The following TMEM30A variants were observed in gnomAD, a reference collection of about 807,000 sequenced individuals.
The protein encoded by TMEM30A is cell cycle control protein 50A.
Under a neutral mutation model 38.2 loss-of-function variants are expected in TMEM30A, and 24 were observed. That is an observed-to-expected ratio of 0.63 (90% CI 0.46 to 0.88). TMEM30A has a LOEUF of 0.88. Ranked by LOEUF, TMEM30A falls within the 40% of genes least tolerant of loss-of-function variation. TMEM30A has a pLI of 0.00. For synonymous variants in TMEM30A, 145 were observed against 161.6 expected (o/e 0.90, Z 0.78); for missense variants, 370 against 458.6 (o/e 0.81, Z 1.77).
chr6:75,256,180 G>A lies in TMEM30A; in HGVS notation c.1008C>T (p.Ser336=). The change falls in exon 7 of 7, where the codon TCC becomes TCT. Residue 336 remains serine (S), a synonymous_variant. Coordinates refer to ENST00000230461, the MANE Select transcript of TMEM30A (RefSeq NM_018247.4). ...CTAGCAGTACAACTCCCAGAAGGAA[G>A]GAGATGGATCCAACAGCGATGTAAG... ...GIAYIAVGSI[S]FLLGVVLLVI... 6.2e-7 allele frequency: 1 copy of A among 1,613,396 alleles called. No individual in the cohort carries two copies. Among genetic ancestry groups the A allele is most frequent in the Non-Finnish European group, 8.5e-7 (1 of 1,179,462 alleles).
At chr6:75,266,432 C>T (rs933035109) in intron 2 of TMEM30A, among the ~76,000 whole-genome samples, 1 of 152,014 alleles carries the variant, frequency 6.6e-6, no homozygotes, top group Non-Finnish European at 1.5e-5. Context: ...AATATTACCT[C>T]GAGATTCAGT....
intron 6 of TMEM30A, among the ~76,000 whole-genome samples, 193 bp from the exon 7 acceptor site, chr6:75,256,488 AT>A (rs1771869380): frequency 6.6e-6 from 1 of 152,152 alleles, no homozygotes; most frequent in African/African-American, 2.4e-5. Context: ...AGCAAACTAA[AT>A]GTTAGTAGTA....
Position 75,255,820 on chromosome 6 carries a change from C to T in TMEM30A, c.*282G>A, listed in dbSNP as rs934361199. 2 of 273,938 alleles carry T rather than the reference C, an allele frequency of 7.3e-6. No homozygotes were observed. The highest frequency in any genetic ancestry group is 1.4e-5 in the Non-Finnish European group (2 of 145,464). The allele number at this position is 273,938 out of a possible 1,614,324, so 17.0% of individuals were successfully genotyped here. A position where few individuals can be genotyped will look rare whatever the true frequency, so the allele number is the denominator to read the frequency against. The stretch of plus-strand genomic sequence containing the variant: ...GTAGACACAAGTCACATGAAAGAGG[C>T]TCTATGCATCATGTGGCCTGTCCGA... On this transcript the variant is annotated 3_prime_UTR_variant, in exon 7 of 7. Coordinates refer to ENST00000230461, the MANE Select transcript of TMEM30A (RefSeq NM_018247.4).
At chr6:75,268,381 C>T (rs1440489435) in intron 1 of TMEM30A, among the ~76,000 whole-genome samples, 1 of 152,222 alleles carries the variant, frequency 6.6e-6, no homozygotes, top group Non-Finnish European at 1.5e-5. Flanking sequence ...TGTGTGATTG[C>T]GGACCTTTGG....
Position 75,256,292 on chromosome 6 carries a change from TA to T in TMEM30A, c.895del (p.Tyr299ThrfsTer12). On this transcript the variant is annotated frameshift_variant and splice_region_variant, in exon 7 of 7. Coordinates refer to ENST00000230461, the MANE Select transcript of TMEM30A (RefSeq NM_018247.4). LOFTEE classifies it high-confidence loss of function. The part of the protein sequence containing the change: ...GRYSLNVTYN[Y>X]PVHYFDGRKR... ...TCGTCCATCAAAATAATGTACAGGG[TA>T]ATCTGAAGAGGGTATAGGAAGATTT... 1.2e-6 allele frequency: 2 copies of T among 1,611,818 alleles called. No individual in the cohort carries two copies. Among genetic ancestry groups the T allele is most frequent in the Non-Finnish European group, 1.7e-6 (2 of 1,178,484 alleles).
At position 75,284,691 on chromosome 6, in the gene TMEM30A, G is replaced by A. The variant is rs1582290598; in HGVS notation, c.-53C>T. The A allele has an allele frequency of 7.0e-6, 11 of 1,580,610 alleles. No homozygotes were observed. Among genetic ancestry groups the A allele is most frequent in the Middle Eastern group, 1.7e-4 (1 of 5,930 alleles). On this transcript the variant is annotated 5_prime_UTR_variant, in exon 1 of 7. Coordinates refer to ENST00000230461, the MANE Select transcript of TMEM30A (RefSeq NM_018247.4). ...TGCAGGTGGACCACCCAGGGGGCCC[G>A]CCGGCTGACCCTGACAGGAACCGCT...
chr6:75,258,448 C>A lies in TMEM30A; in HGVS notation c.892+332G>T, dbSNP rs78093545. 7.1e-3 allele frequency among the ~76,000 whole-genome samples: 1,074 copies of A among 152,006 alleles called. 33 individuals carry two copies. In the East Asian group the frequency reaches 0.11, roughly 15 times the overall value. On this transcript the variant is annotated intron_variant, in intron 6 of 6. Coordinates refer to ENST00000230461, the MANE Select transcript of TMEM30A (RefSeq NM_018247.4). ...AAAACAGCCCAGTACCACTCAACAC[C>A]CAATTTTAGGTACTCTCATTGGCCT...
At chr6:75,281,999 T>C (rs1772366075) in intron 1 of TMEM30A, among the ~76,000 whole-genome samples, 1 of 152,220 alleles carries the variant, frequency 6.6e-6, no homozygotes. Flanking sequence ...TATGTCAGTG[T>C]CAGTAAAAAA....
rs1771838394 is a variant in TMEM30A at position 75,254,619 on chromosome 6, T to C, written c.*1483A>G. On this transcript the variant is annotated 3_prime_UTR_variant, in exon 7 of 7. Coordinates refer to ENST00000230461, the MANE Select transcript of TMEM30A (RefSeq NM_018247.4). ...TTTTGTTTTTTAAAAAAAGTATATA[T>C]TAATCAAAAGTATACATTACCCAGA... 1 of 152,098 alleles carries C rather than the reference T, an allele frequency of 6.6e-6. No individual in the cohort carries two copies. The highest frequency in any genetic ancestry group is 1.9e-4 in the East Asian group (1 of 5,196). The allele number at this position is 152,098 out of a possible 1,614,324, so 9.4% of individuals were successfully genotyped here. A position where few individuals can be genotyped will look rare whatever the true frequency, so the allele number is the denominator to read the frequency against.
intron 1 of TMEM30A, chr6:75,272,825 A>G (rs1351063084): frequency 6.6e-6 from 1 of 152,224 alleles, no homozygotes. Flanking sequence ...GGAAGGATGC[A>G]GGGCTCCACC....
chr6:75,261,563 A>C (rs953821763), intron 3 of TMEM30A, among the ~76,000 whole-genome samples: 1 of 152,206 alleles, frequency 6.6e-6, no homozygotes, highest in Non-Finnish European at 1.5e-5. Context: ...AGGATCTTAA[A>C]GAGGTGTGGC....
At chr6:75,281,371 T>C (rs1296388370) in intron 1 of TMEM30A, among the ~76,000 whole-genome samples, 1 of 152,106 alleles carries the variant, frequency 6.6e-6, no homozygotes, top group African/African-American at 2.4e-5. Flanking sequence ...CATTCCCTGC[T>C]CCTGATAATA....
At chr6:75,272,942 T>C (rs1028744637) in intron 1 of TMEM30A, 4 of 152,338 alleles carry the variant, frequency 2.6e-5, no homozygotes, top group Admixed American at 1.3e-4. Context: ...CACTCCCACA[T>C]AGACCAGTGA....
At position 75,272,180 on chromosome 6, in the gene TMEM30A, T is replaced by C. The variant is rs140868787; in HGVS notation, c.238-4432A>G. Among the ~76,000 whole-genome samples the C allele has an allele frequency of 9.7e-3, 1,479 of 152,356 alleles. 26 individuals carry two copies. The highest frequency in any genetic ancestry group is 0.027 in the Middle Eastern group (8 of 294). On this transcript the variant is annotated intron_variant, in intron 1 of 6. Coordinates refer to ENST00000230461, the MANE Select transcript of TMEM30A (RefSeq NM_018247.4). Reference sequence around the variant, plus strand: ...AGTGCTGGGCATTGTAAGTACTTAATACACATGTAGAAAGTAGAAAAGCTC... The same window carrying C: ...AGTGCTGGGCATTGTAAGTACTTAACACACATGTAGAAAGTAGAAAAGCTC...
intron 3 of TMEM30A, among the ~76,000 whole-genome samples, chr6:75,263,100 T>G (rs544057203): frequency 6.6e-6 from 1 of 152,284 alleles, no homozygotes; most frequent in Admixed American, 6.5e-5. Context: ...ATGAAAAGTT[T>G]GACTCTGGAG....
chr6:75,263,669 T>C (rs1433144592), intron 3 of TMEM30A, among the ~76,000 whole-genome samples: 1 of 152,182 alleles, frequency 6.6e-6, no homozygotes, highest in Non-Finnish European at 1.5e-5. Context: ...TCACAATGCA[T>C]GGTTAGGGAG....
rs1771836553 is a variant in TMEM30A at position 75,254,514 on chromosome 6, A to G, written c.*1588T>C. 2 of 152,202 alleles carry G rather than the reference A, an allele frequency of 1.3e-5. No individual in the cohort carries two copies. Among genetic ancestry groups the G allele is most frequent in the African/African-American group, 2.4e-5 (1 of 41,466 alleles). 9.4% of individuals were successfully genotyped at this position (152,202 alleles called of 1,614,324 possible). ...CCAGTTAAAAGTCATTATGAAACAC[A>G]CATTCTTTTAACTGAATTTCATATG... is the stretch of plus-strand genomic sequence containing the variant. On this transcript the variant is annotated 3_prime_UTR_variant, in exon 7 of 7. Coordinates refer to ENST00000230461, the MANE Select transcript of TMEM30A (RefSeq NM_018247.4).
At chr6:75,272,932 C>G (rs552314221) in intron 1 of TMEM30A, 1 of 152,318 alleles carries the variant, frequency 6.6e-6, no homozygotes, top group East Asian at 1.9e-4. Context: ...AGCAATCAGA[C>G]ACTCCCACAT....
chr6:75,271,692 C>T (rs1303963115), intron 1 of TMEM30A, among the ~76,000 whole-genome samples: 1 of 152,176 alleles, frequency 6.6e-6, no homozygotes, highest in East Asian at 1.9e-4. Context: ...TCCAAGGTCA[C>T]ACAAGTAGTA....
Sources: allele counts gnomAD v4.1 joint callset (sites outside exome capture counted in the v4.1 genomes callset), GRCh38; gene constraint gnomAD v4.1.1; transcripts MANE v1.5; gene names NCBI Gene and HGNC (gene_info 2026-07-23, HGNC 2026-07-21).